The following SPTLC3 variants were observed in gnomAD, a reference collection of about 807,000 sequenced individuals.
The protein encoded by SPTLC3 is serine palmitoyltransferase long chain base subunit 3, also known as serine palmitoyltransferase 3.
Under a neutral mutation model 59.3 loss-of-function variants are expected in SPTLC3, and 36 were observed. That is an observed-to-expected ratio of 0.61 (90% confidence interval 0.47 to 0.80). The LOEUF is 0.80. Ranked by LOEUF, SPTLC3 falls within the 30% of genes least tolerant of loss-of-function variation. The pLI, the probability that SPTLC3 is intolerant of heterozygous loss-of-function variation, is 0.00. For missense variants in SPTLC3, 625 were observed against 685.1 expected, an observed-to-expected ratio of 0.91 and a Z score of 0.98; for synonymous variants, 257 against 240.8, an observed-to-expected ratio of 1.07 and a Z score of -0.62.
At chr20:13,157,336 T>C (rs1221671338) in intron 10 of SPTLC3, among the ~76,000 whole-genome samples, 1 of 151,450 alleles carries the variant, frequency 6.6e-6, no homozygotes, top group Admixed American at 6.6e-5. Context: ...ACTTGGGAGA[T>C]TGAGGCAGGA....
intron 8 of SPTLC3, among the ~76,000 whole-genome samples, chr20:13,119,860 T>C (rs1288251828): frequency 2.6e-5 from 4 of 152,228 alleles, no homozygotes; most frequent in African/African-American, 7.2e-5. Flanking sequence ...GTATCCCTGA[T>C]GACTTAAAAA....
At chr20:13,142,025 A>G (rs369274712) in intron 9 of SPTLC3, among the ~76,000 whole-genome samples, 3 of 152,228 alleles carry the variant, frequency 2.0e-5, no homozygotes, top group Non-Finnish European at 4.4e-5. Flanking sequence ...TCTAGTTAAG[A>G]GGGAAAGTTT....
chr20:13,125,881 TGC>T (rs2122789660), intron 8 of SPTLC3, among the ~76,000 whole-genome samples: 1 of 152,356 alleles, frequency 6.6e-6, no homozygotes, highest in South Asian at 2.1e-4. Context: ...TGGAAGCAAC[TGC>T]GAAGTTGGAT....
chr20:13,042,707 A>G (rs1468696963), intron 1 of SPTLC3, among the ~76,000 whole-genome samples: 2 of 152,180 alleles, frequency 1.3e-5, no homozygotes, highest in Non-Finnish European at 2.9e-5. Flanking sequence ...CACCTGCTCA[A>G]AGTAGAATGT....
At chr20:13,073,543 C>T in intron 3 of SPTLC3, 1 of 171,726 alleles carries the variant, frequency 5.8e-6, no homozygotes, top group Non-Finnish European at 1.2e-5. Context: ...ATGGGCATGT[C>T]TGTTTCCTAA....
intron 1 of SPTLC3, among the ~76,000 whole-genome samples, chr20:13,017,099 C>G (rs1021354417): frequency 6.6e-6 from 1 of 152,142 alleles, no homozygotes; most frequent in Non-Finnish European, 1.5e-5. Context: ...ATACCCACTT[C>G]CAGAGAGAAG....
chr20:13,164,183 C>T (rs992622044), intron 11 of SPTLC3, among the ~76,000 whole-genome samples: 6 of 152,010 alleles, frequency 3.9e-5, no homozygotes, highest in Non-Finnish European at 7.3e-5. Context: ...GATACATGTA[C>T]CCACCTAAAG....
chr20:13,103,251 C>T (rs376940584), intron 6 of SPTLC3, among the ~76,000 whole-genome samples: 14 of 152,166 alleles, frequency 9.2e-5, no homozygotes, highest in African/African-American at 2.2e-4. Context: ...ATTTTGTTTC[C>T]GCCGAAAGGC....
chr20:13,044,645 T>A (rs1987148927), intron 1 of SPTLC3, among the ~76,000 whole-genome samples: 1 of 152,226 alleles, frequency 6.6e-6, no homozygotes. Context: ...CTATTCAGAA[T>A]ATTTAACAAA....
At position 13,110,528 on chromosome 20, in the gene SPTLC3, G is replaced by A. The variant is rs149807771; in HGVS notation, c.932+311G>A. ...TTGACTGCCCCAGAGTTTCAAAGGCGTTTCGCAGCTGGGTTATTCAAGATC... is the reference window on the plus strand; with the variant it reads ...TTGACTGCCCCAGAGTTTCAAAGGCATTTCGCAGCTGGGTTATTCAAGATC... On this transcript the variant is annotated intron_variant, in intron 7 of 11. Transcript: ENST00000399002. 8.6e-4 allele frequency among the ~76,000 whole-genome samples: 131 copies of A among 152,266 alleles called. 1 individual carries two copies. The highest frequency in any genetic ancestry group is 8.1e-3 in the East Asian group (42 of 5,174).
At chr20:13,044,586 T>C (rs1341967517) in intron 1 of SPTLC3, among the ~76,000 whole-genome samples, 1 of 152,160 alleles carries the variant, frequency 6.6e-6, no homozygotes, top group African/African-American at 2.4e-5. Flanking sequence ...TTCTCAAATA[T>C]GTCTCTAAAA....
chr20:13,022,979 A>G (rs1600209943), intron 1 of SPTLC3, among the ~76,000 whole-genome samples: 1 of 152,096 alleles, frequency 6.6e-6, no homozygotes, highest in East Asian at 1.9e-4. Context: ...GCTCACTCTA[A>G]CCCCAGATGC....
intron 1 of SPTLC3, among the ~76,000 whole-genome samples, chr20:13,013,194 A>G (rs1446770347): frequency 6.6e-6 from 1 of 152,228 alleles, no homozygotes; most frequent in Non-Finnish European, 1.5e-5. Context: ...TTCCAGTTTT[A>G]GAACCATTTA....
At chr20:13,090,801 A>G (rs563161860) in intron 4 of SPTLC3, among the ~76,000 whole-genome samples, 2 of 152,332 alleles carry the variant, frequency 1.3e-5, no homozygotes, top group Admixed American at 6.5e-5. Flanking sequence ...TTTTCACTCA[A>G]CAACAGATTT....
intron 2 of SPTLC3, among the ~76,000 whole-genome samples, chr20:13,057,517 CCTT>C (rs1212836180): frequency 6.6e-6 from 1 of 152,150 alleles, no homozygotes; most frequent in African/African-American, 2.4e-5. Context: ...ATTTATTTCT[CCTT>C]CTTTTTATTT....
At chr20:13,086,209 C>T (rs912466815) in intron 4 of SPTLC3, among the ~76,000 whole-genome samples, 1 of 152,180 alleles carries the variant, frequency 6.6e-6, no homozygotes, top group Non-Finnish European at 1.5e-5. Context: ...CAAGTTGACA[C>T]CTTTACTCAA....
intron 2 of SPTLC3, 132 bp from the exon 3 acceptor site, chr20:13,072,124 T>C (rs2122568566): frequency 2.0e-6 from 2 of 976,554 alleles, no homozygotes; most frequent in South Asian, 1.8e-5. Flanking sequence ...CCTCACCTAC[T>C]GACCTTTGCT....
chr20:13,108,457 C>T (rs1433344717), intron 6 of SPTLC3, among the ~76,000 whole-genome samples: 2 of 152,170 alleles, frequency 1.3e-5, no homozygotes, highest in African/African-American at 4.8e-5. Context: ...TCCATTGAGA[C>T]CAAGAACTGC....
chr20:13,093,339 A>C, intron 5 of SPTLC3, 145 bp from the exon 6 acceptor site: 1 of 638,216 alleles, frequency 1.6e-6, no homozygotes. Context: ...CCACATAGAC[A>C]CCAGGTTAAA....
Sources: gnomAD v4.1 joint callset for allele counts (sites outside exome capture counted in the v4.1 genomes callset) on GRCh38, gnomAD v4.1.1 for gene constraint, MANE v1.5 for transcripts, NCBI Gene and HGNC (gene_info 2026-07-23, HGNC 2026-07-21) for gene names.